MYLK: variants seen among roughly 807,000 people sequenced by gnomAD.
MYLK encodes the protein myosin light chain kinase, also known as myosin light chain kinase, smooth muscle.
MYLK carries 106 observed loss-of-function variants against 203.4 expected under a neutral mutation model. That is an observed-to-expected ratio of 0.52 (90% CI 0.45 to 0.61). The LOEUF is 0.61. MYLK is among the 20% of genes least tolerant of loss of function. MYLK has a pLI of 0.00. For missense variants in MYLK, 2,072 were observed against 2,442.3 expected, an observed-to-expected ratio of 0.85 and a Z score of 3.20; for synonymous variants, 867 against 959.5, an observed-to-expected ratio of 0.90 and a Z score of 1.78.
chr3:123,847,939 G>A (rs2030230239), intron 2 of MYLK, among the ~76,000 whole-genome samples: 2 of 151,920 alleles, frequency 1.3e-5, no homozygotes, highest in South Asian at 4.1e-4. Flanking sequence ...CTCTTAGACA[G>A]TTTGCACAAT....
At chr3:123,796,892 C>T (rs1013469440) in intron 3 of MYLK, among the ~76,000 whole-genome samples, 22 of 152,144 alleles carry the variant, frequency 1.4e-4, no homozygotes, top group Non-Finnish European at 2.9e-4. Context: ...CATGTCTTTT[C>T]CCAATAATCC....
intron 3 of MYLK, among the ~76,000 whole-genome samples, chr3:123,794,811 T>A (rs1316255772): frequency 6.6e-6 from 1 of 152,238 alleles, no homozygotes; most frequent in Non-Finnish European, 1.5e-5. Context: ...GTAAAAATAA[T>A]AAGTTATCAT....
In MYLK at chr3:123,613,800, C is replaced by A. The variant is rs533737524; in HGVS notation, c.*305G>T. The A allele has an allele frequency of 7.8e-6, 3 of 382,214 alleles. No homozygotes were observed. Among genetic ancestry groups the A allele is most frequent in the African/African-American group, 2.1e-5 (1 of 48,176 alleles). The allele number at this position is 382,214 out of a possible 1,614,324, so 23.7% of individuals were successfully genotyped here. On this transcript the variant is annotated 3_prime_UTR_variant, in exon 34 of 34. Coordinates refer to ENST00000360304, the MANE Select transcript of MYLK (RefSeq NM_053025.4). The stretch of plus-strand genomic sequence containing the variant: ...TCAAGTGGAGAATTTATGACTTTGC[C>A]CAGATAAATATTTGGTTTGGTTACT...
At chr3:123,706,560 A>G (rs2061468549) in intron 16 of MYLK, among the ~76,000 whole-genome samples, 1 of 152,200 alleles carries the variant, frequency 6.6e-6, no homozygotes, top group Non-Finnish European at 1.5e-5. Flanking sequence ...CGATGCTTAC[A>G]CCAACCCCAG....
chr3:123,833,987 T>C (rs987638042), intron 2 of MYLK, among the ~76,000 whole-genome samples: 3 of 152,130 alleles, frequency 2.0e-5, no homozygotes, highest in African/African-American at 4.8e-5. Flanking sequence ...ATTCTACCAA[T>C]AGGGTTTTCA....
chr3:123,824,394 C>T (rs2109314458), intron 3 of MYLK, among the ~76,000 whole-genome samples: 1 of 152,274 alleles, frequency 6.6e-6, no homozygotes, highest in Non-Finnish European at 1.5e-5. Context: ...CTGGCTCTTA[C>T]TGTACTTTAA....
At chr3:123,820,759 T>C (rs2065908520) in intron 3 of MYLK, among the ~76,000 whole-genome samples, 1 of 152,032 alleles carries the variant, frequency 6.6e-6, no homozygotes, top group Non-Finnish European at 1.5e-5. Context: ...AGTCTGACTC[T>C]GTTGCCCAGG....
chr3:123,668,603 T>C lies in MYLK; in HGVS notation c.3653-1416A>G, dbSNP rs534077518. The stretch of plus-strand genomic sequence containing the variant: ...TGCTGGGAGTCCATGATGACATTAA[T>C]TTATCAAGACTCACGGAACTGTGCA... On this transcript the variant is annotated intron_variant, in intron 20 of 33. Transcript: ENST00000360304. Among the ~76,000 whole-genome samples, 10 of 152,236 alleles carry C rather than the reference T, an allele frequency of 6.6e-5. 1 individual carries two copies. In the East Asian group the frequency reaches 1.9e-3, roughly 29 times the overall value.
rs1559972025 is a variant in MYLK at position 123,621,279 on chromosome 3, A to G, written c.5239-943T>C. 2.0e-5 allele frequency: 3 copies of G among 152,338 alleles called. No homozygotes were observed. In the East Asian group the frequency reaches 5.8e-4, roughly 29 times the overall value. The allele number at this position is 152,338 out of a possible 1,614,324, so 9.4% of individuals were successfully genotyped here. On this transcript the variant is annotated intron_variant, in intron 31 of 33. Coordinates refer to ENST00000360304, the MANE Select transcript of MYLK (RefSeq NM_053025.4). ...TTAACAGGAATGACTAAGATAAGAA[A>G]ACTAAGGCACAACCAAGTCTTTCCA... is the stretch of plus-strand genomic sequence containing the variant.
chr3:123,803,140 A>G (rs533952731), intron 3 of MYLK, among the ~76,000 whole-genome samples: 1 of 152,234 alleles, frequency 6.6e-6, no homozygotes, highest in East Asian at 1.9e-4. Context: ...GCAATTGACA[A>G]TCTCTCAAAA....
chr3:123,700,734 C>T lies in MYLK; in HGVS notation c.2734G>A (p.Glu912Lys). ...GCTGGGATCTCCTTCAGGTCGTCTT[C>T]CGATAGGGTCTTTGTACTCACCTTC... ...GKKVSTKTLS[E>K]DDLKEIPAEQ... Residue 912 changes from glutamate to lysine, a missense_variant, in exon 18 of 34, where the codon GAA becomes AAA. This residue lies in a region of MYLK where 865 missense variants were observed against 1,016.0 expected (regional missense o/e 0.85). Transcript: ENST00000360304. 1.2e-6 allele frequency: 2 copies of T among 1,614,176 alleles called. No homozygotes were observed. Among genetic ancestry groups the T allele is most frequent in the Non-Finnish European group, 1.7e-6 (2 of 1,180,026 alleles).
intron 2 of MYLK, among the ~76,000 whole-genome samples, chr3:123,857,616 G>A (rs1349050626): frequency 1.4e-5 from 2 of 141,566 alleles, no homozygotes; most frequent in African/African-American, 2.6e-5. Flanking sequence ...ATGGACACAG[G>A]AAGGGGAACA....
At chr3:123,738,825 GGT>G in intron 7 of MYLK, 70 bp downstream of exon 7, 3 of 1,542,494 alleles carry the variant, frequency 1.9e-6, no homozygotes, top group Non-Finnish European at 2.6e-6. Context: ...CCCAGTCTCG[GGT>G]ATGTCTATTA....
Position 123,733,919 on chromosome 3 carries a change from T to C in MYLK, c.1077A>G (p.Pro359=), listed in dbSNP as rs778441720. The change falls in exon 10 of 34, where the codon CCA becomes CCG. Residue 359 remains proline (P), a synonymous_variant. Transcript: ENST00000360304. ...AARVQPEPRA[P]GLGVLSPSGE... ...CAGAAGGTGATAGGACCCCCAGGCC[T>C]GGTGCTCTTGGTTCCGGCTGAACTC... is the stretch of plus-strand genomic sequence containing the variant. 1.2e-6 allele frequency: 2 copies of C among 1,614,110 alleles called. No individual in the cohort carries two copies. Among genetic ancestry groups the C allele is most frequent in the Non-Finnish European group, 1.7e-6 (2 of 1,180,062 alleles).
intron 11 of MYLK, among the ~76,000 whole-genome samples, chr3:123,732,149 A>G (rs1440876249): frequency 1.3e-5 from 2 of 152,224 alleles, no homozygotes; most frequent in African/African-American, 4.8e-5. Flanking sequence ...GGGCTTACAT[A>G]TGCATTTAGA....
chr3:123,851,501 A>G (rs2030796254), intron 2 of MYLK, among the ~76,000 whole-genome samples: 1 of 150,414 alleles, frequency 6.6e-6, no homozygotes, highest in South Asian at 2.1e-4. Flanking sequence ...ATTCTCTTTG[A>G]AGCAATTGTG....
chr3:123,789,653 G>A (rs1172191840), intron 4 of MYLK, among the ~76,000 whole-genome samples: 6 of 119,396 alleles, frequency 5.0e-5, no homozygotes, highest in Non-Finnish European at 9.2e-5. Context: ...CTTTGGGCTG[G>A]CAAAGCAAAA....
At chr3:123,827,105 G>A (rs766348177) in intron 3 of MYLK, among the ~76,000 whole-genome samples, 14 of 152,194 alleles carry the variant, frequency 9.2e-5, no homozygotes, top group East Asian at 1.9e-4. Context: ...AAAACAATTC[G>A]AAATAATAAT....
At chr3:123,725,666 A>G (rs1428879733) in intron 12 of MYLK, among the ~76,000 whole-genome samples, 2 of 152,224 alleles carry the variant, frequency 1.3e-5, no homozygotes, top group Non-Finnish European at 2.9e-5. Flanking sequence ...ACCACTTTAT[A>G]GAAATAATCT....
Sources: gnomAD v4.1 joint callset for allele counts (sites outside exome capture counted in the v4.1 genomes callset) on GRCh38, gnomAD v4.1.1 for gene constraint, gnomAD v4.1.1 regional missense constraint, MANE v1.5 for transcripts, NCBI Gene and HGNC (gene_info 2026-07-23, HGNC 2026-07-21) for gene names.